Variants in TTC33 observed in about 807,000 individuals in gnomAD.
The protein encoded by TTC33 is tetratricopeptide repeat domain 33.
A neutral mutation model predicts 29.4 loss-of-function variants in TTC33; 24 were observed. The observed-to-expected ratio is 0.82, with a 90% CI of 0.59 to 1.15. TTC33 has a LOEUF of 1.15. Among genes scored for constraint, TTC33 ranks in the 50% most tolerant of loss-of-function variants. TTC33 has a pLI of 0.00. For synonymous variants in TTC33, 107 were observed against 100.3 expected, an observed-to-expected ratio of 1.07 and a Z score of -0.40; for missense variants, 286 against 310.4, an observed-to-expected ratio of 0.92 and a Z score of 0.59.
chr5:40,733,192 A>T (rs1229769061), intron 2 of TTC33, among the ~76,000 whole-genome samples: 1 of 152,192 alleles, frequency 6.6e-6, no homozygotes, highest in Non-Finnish European at 1.5e-5. Flanking sequence ...TGAGAATTCT[A>T]CGTTTAGCAG....
intron 1 of TTC33, among the ~76,000 whole-genome samples, chr5:40,749,633 G>A (rs966492349): frequency 6.6e-6 from 1 of 152,174 alleles, no homozygotes; most frequent in Non-Finnish European, 1.5e-5. Context: ...ATAAGTACAG[G>A]CCTATCTCAG....
At chr5:40,721,161 CTG>C (rs1422765842) in intron 4 of TTC33, among the ~76,000 whole-genome samples, 1 of 152,176 alleles carries the variant, frequency 6.6e-6, no homozygotes, top group Non-Finnish European at 1.5e-5. Flanking sequence ...GGACTGGCTT[CTG>C]TCTTACCTGT....
chr5:40,754,857 A>G (rs1742957440), intron 1 of TTC33, among the ~76,000 whole-genome samples: 1 of 152,218 alleles, frequency 6.6e-6, no homozygotes, highest in Non-Finnish European at 1.5e-5. Flanking sequence ...TGTTTCAGAT[A>G]TCTTAAGCCG....
rs573843381 is a variant in TTC33 at position 40,722,038 on chromosome 5, T to C, written c.436-5540A>G. 2.4e-4 allele frequency among the ~76,000 whole-genome samples: 37 copies of C among 152,314 alleles called. No individual in the cohort carries two copies. The South Asian group carries it at 7.7e-3, about 32-fold the overall frequency. On this transcript the variant is annotated intron_variant, in intron 4 of 4. Coordinates refer to ENST00000337702, the MANE Select transcript of TTC33 (RefSeq NM_012382.3). ...TATATGAAAAGATGCTCAATATCAC[T>C]AATCAGGGAAATGCAAATCAAAACC...
rs145117699 is a variant in TTC33, at chr5:40,728,440, G to C, written c.340C>G (p.His114Asp). 57 of 1,613,432 alleles carry C rather than the reference G, an allele frequency of 3.5e-5. No individual in the cohort carries two copies. The Middle Eastern group carries it at 8.2e-4, about 23-fold the overall frequency. The change falls in exon 4 of 5, where the codon CAT becomes GAT. Residue 114 changes from histidine (H) to aspartate (D), a missense_variant. His to Asp is a moderately conservative substitution (Grantham distance 81, BLOSUM62 -1). Coordinates refer to ENST00000337702, the MANE Select transcript of TTC33 (RefSeq NM_012382.3). ...MSLHEMFPAV[H>D]AAEMAVQQNP... Reference sequence around the variant, plus strand: ...TGCTGGACGGCCATTTCTGCTGCATGTACTGCTGGGAACATTTCATGAAGA... The same window carrying C: ...TGCTGGACGGCCATTTCTGCTGCATCTACTGCTGGGAACATTTCATGAAGA...
At chr5:40,737,843 T>G (rs1742588514) in intron 2 of TTC33, among the ~76,000 whole-genome samples, 1 of 152,222 alleles carries the variant, frequency 6.6e-6, no homozygotes, top group African/African-American at 2.4e-5. Flanking sequence ...AGACGGTATG[T>G]ACTCTTCCTG....
intron 4 of TTC33, among the ~76,000 whole-genome samples, chr5:40,720,360 A>G (rs1279852014): frequency 6.6e-6 from 1 of 152,210 alleles, no homozygotes; most frequent in Non-Finnish European, 1.5e-5. Context: ...GTAAAAATGT[A>G]GGTTTATTTC....
At chr5:40,732,811 T>C (rs937445544) in intron 2 of TTC33, among the ~76,000 whole-genome samples, 1 of 152,174 alleles carries the variant, frequency 6.6e-6, no homozygotes, top group Non-Finnish European at 1.5e-5. Context: ...TTTCACCATG[T>C]TGGCCAGGCT....
intron 4 of TTC33, among the ~76,000 whole-genome samples, chr5:40,726,567 CA>C (rs1337886583): frequency 6.7e-6 from 1 of 149,018 alleles, no homozygotes; most frequent in East Asian, 2.0e-4. Context: ...AAAATACTTT[CA>C]ATTCTTCTAA....
chr5:40,751,161 T>C lies in TTC33; in HGVS notation c.-1-4142A>G, dbSNP rs188498354. 1.9e-3 allele frequency among the ~76,000 whole-genome samples: 293 copies of C among 152,374 alleles called. 1 individual carries two copies. Among genetic ancestry groups the C allele is most frequent in the African/African-American group, 6.7e-3 (278 of 41,592 alleles). On this transcript the variant is annotated intron_variant, in intron 1 of 4. Transcript: ENST00000337702. ...CAGAAGAATCACTATCTATGGCAGC[T>C]ATAGCCTTACAAAATGTATTTCTTC...
chr5:40,726,216 A>T (rs1742284338), intron 4 of TTC33, among the ~76,000 whole-genome samples: 2 of 150,440 alleles, frequency 1.3e-5, no homozygotes, highest in African/African-American at 2.4e-5. Flanking sequence ...TACATATTTT[A>T]TATATATATA....
intron 2 of TTC33, among the ~76,000 whole-genome samples, chr5:40,735,115 T>A (rs944596516): frequency 6.6e-6 from 1 of 152,096 alleles, no homozygotes; most frequent in Non-Finnish European, 1.5e-5. Context: ...AAGTCAGAGG[T>A]CAGGGAGGTG....
At position 40,738,524 on chromosome 5, in the gene TTC33, A is replaced by C. The variant is rs60153821; in HGVS notation, c.222-8181T>G. Reference sequence around the variant, plus strand: ...CAATACAATAAAATACAATAAAATAAAATACAATAAAATACAATAAAATAA... The same window carrying C: ...CAATACAATAAAATACAATAAAATACAATACAATAAAATACAATAAAATAA... On this transcript the variant is annotated intron_variant, in intron 2 of 4. Transcript: ENST00000337702. Among the ~76,000 whole-genome samples, 754 of 97,598 alleles carry C rather than the reference A, an allele frequency of 7.7e-3. 9 individuals carry two copies. The highest frequency in any genetic ancestry group is 0.018 in the African/African-American group (482 of 26,640). The allele number at this position is 97,598 out of a possible 152,430, so 64.0% of individuals were successfully genotyped here. A position where few individuals can be genotyped will look rare whatever the true frequency, so the allele number is the denominator to read the frequency against.
rs1579664637 is a variant in TTC33 at position 40,714,731 on chromosome 5, C to T, written c.*1414G>A. 1.3e-5 allele frequency: 2 copies of T among 152,220 alleles called. No individual in the cohort carries two copies. Among genetic ancestry groups the T allele is most frequent in the African/African-American group, 2.4e-5 (1 of 41,510 alleles). 9.4% of individuals were successfully genotyped at this position (152,220 alleles called of 1,614,324 possible). On this transcript the variant is annotated 3_prime_UTR_variant, in exon 5 of 5. Transcript: ENST00000337702. Reference sequence around the variant, plus strand: ...CAAGGCAAGTGCTAATTTCTCCAACCCTGAAAAGAGATATGCATTCCAATA... The same window carrying T: ...CAAGGCAAGTGCTAATTTCTCCAACTCTGAAAAGAGATATGCATTCCAATA...
chr5:40,738,652 T>G (rs1218431775), intron 2 of TTC33, among the ~76,000 whole-genome samples: 1 of 151,842 alleles, frequency 6.6e-6, no homozygotes, highest in Non-Finnish European at 1.5e-5. Flanking sequence ...AAAGCTATTT[T>G]ACATTTTCAT....
At chr5:40,728,175 A>G (rs945469813) in intron 4 of TTC33, among the ~76,000 whole-genome samples, 170 bp downstream of exon 4, 2 of 150,604 alleles carry the variant, frequency 1.3e-5, no homozygotes, top group African/African-American at 4.9e-5. Flanking sequence ...TCCCAGCTAC[A>G]CAGGAGGCTG....
chr5:40,740,799 A>T (rs972447119), intron 2 of TTC33, among the ~76,000 whole-genome samples: 2 of 152,196 alleles, frequency 1.3e-5, no homozygotes, highest in African/African-American at 4.8e-5. Context: ...GTCCTCTCAT[A>T]CAGTGATTCC....
chr5:40,738,285 G>A (rs1374280793), intron 2 of TTC33, among the ~76,000 whole-genome samples: 3 of 151,724 alleles, frequency 2.0e-5, no homozygotes, highest in East Asian at 1.9e-4. Context: ...AGAGTGGTGC[G>A]CGCCTGTAAT....
intron 1 of TTC33, among the ~76,000 whole-genome samples, chr5:40,748,041 G>A (rs1742830173): frequency 6.6e-6 from 1 of 152,026 alleles, no homozygotes; most frequent in East Asian, 1.9e-4. Context: ...TAGCCAGGCT[G>A]GTCTCAAACT....
Sources: gnomAD v4.1 joint callset for allele counts (sites outside exome capture counted in the v4.1 genomes callset) on GRCh38, gnomAD v4.1.1 for gene constraint, MANE v1.5 for transcripts, NCBI Gene and HGNC (gene_info 2026-07-23, HGNC 2026-07-21) for gene names.